CACNA1C: variants seen among roughly 807,000 people sequenced by gnomAD.
CACNA1C encodes calcium voltage-gated channel subunit alpha1 C.
Under a neutral mutation model 229.0 loss-of-function variants are expected in CACNA1C, and 30 were observed. The observed-to-expected ratio is 0.13, with a 90% confidence interval of 0.10 to 0.18. The LOEUF (loss-of-function observed/expected upper bound fraction) is 0.18, where lower values mean the gene tolerates loss of function less well. Ranked by LOEUF, CACNA1C falls within the 10% of genes least tolerant of loss-of-function variation. The pLI is 1.00. For missense variants in CACNA1C, 1,658 were observed against 2,845.0 expected, an observed-to-expected ratio of 0.58 and a Z score of 9.49; for synonymous variants, 1,114 against 1,132.5, an observed-to-expected ratio of 0.98 and a Z score of 0.33.
intron 13 of CACNA1C, among the ~76,000 whole-genome samples, chr12:2,569,380 G>A (rs2053115052): frequency 6.6e-6 from 1 of 152,036 alleles, no homozygotes; most frequent in African/African-American, 2.4e-5. Flanking sequence ...TATATTCATG[G>A]TTATGCAACC....
At chr12:2,204,906 C>T (rs1439052169) in intron 3 of CACNA1C, among the ~76,000 whole-genome samples, 1 of 148,480 alleles carries the variant, frequency 6.7e-6, no homozygotes, top group Non-Finnish European at 1.5e-5. Context: ...AACTAACCTG[C>T]ACAATGTGCA....
At chr12:1,985,849 C>T (rs954234390) in intron 1 of CACNA1C, among the ~76,000 whole-genome samples, 43 of 152,170 alleles carry the variant, frequency 2.8e-4, no homozygotes, top group African/African-American at 7.7e-4. Flanking sequence ...CTCCCTCTGT[C>T]GCCCAGGCTG....
chr12:2,646,400 A>C lies in CACNA1C; in HGVS notation c.3913-2075A>C, dbSNP rs919355769. On this transcript the variant is annotated intron_variant, in intron 30 of 46. Transcript: ENST00000399655. This position sits in a 1 kb window ranked among gnomAD's most constrained non-coding sequence, Gnocchi z 4.6. ...CCTGTTCAGGCTGGGATTGACCCAG[A>C]AGACCTTCAAGCATTTGCCCAGGGT... The C allele has an allele frequency of 1.3e-5, 2 of 151,996 alleles. No individual in the cohort carries two copies. Among genetic ancestry groups the C allele is most frequent in the South Asian group, 2.1e-4 (1 of 4,826 alleles). The allele number at this position is 151,996 out of a possible 1,614,324, so 9.4% of individuals were successfully genotyped here.
chr12:2,191,414 G>T (rs941232335), intron 3 of CACNA1C, among the ~76,000 whole-genome samples: 1 of 152,072 alleles, frequency 6.6e-6, no homozygotes, highest in Non-Finnish European at 1.5e-5. Flanking sequence ...CTGCAGTCAC[G>T]CTGGCTCCAG....
At chr12:2,050,843 C>T (rs12422291), upstream of CACNA1C, among the ~76,000 whole-genome samples, 25,481 of 152,044 alleles carry the variant, frequency 0.17, 2,642 homozygotes, top group East Asian at 0.47. Flanking sequence ...TACCAAGGGA[C>T]GGACAGATGC....
intron 34 of CACNA1C, among the ~76,000 whole-genome samples, chr12:2,662,405 GA>G (rs1326200205): frequency 6.6e-6 from 1 of 152,162 alleles, no homozygotes; most frequent in Non-Finnish European, 1.5e-5. Context: ...TCTGTAATAT[GA>G]AATCAATTGT....
intron 3 of CACNA1C, among the ~76,000 whole-genome samples, chr12:2,277,715 C>A (rs1288311161): frequency 6.6e-6 from 1 of 152,224 alleles, no homozygotes; most frequent in Non-Finnish European, 1.5e-5. Flanking sequence ...AGGAAGCCTT[C>A]TCTCTCCTGC....
At chr12:2,555,597 A>G (rs2043704088) in intron 10 of CACNA1C, among the ~76,000 whole-genome samples, 1 of 152,186 alleles carries the variant, frequency 6.6e-6, no homozygotes, top group Non-Finnish European at 1.5e-5. Flanking sequence ...GTAAATAACA[A>G]TGCTGCCCTG....
intron 3 of CACNA1C, among the ~76,000 whole-genome samples, chr12:2,201,478 T>A (rs965139691): frequency 2.0e-5 from 3 of 152,254 alleles, no homozygotes; most frequent in Admixed American, 2.0e-4. Context: ...AGAGAAATTC[T>A]ACATCTTTCT....
chr12:2,593,683 C>T (rs2066607707), intron 19 of CACNA1C, among the ~76,000 whole-genome samples: 1 of 152,194 alleles, frequency 6.6e-6, no homozygotes, highest in Non-Finnish European at 1.5e-5. Context: ...ACTATTTTAA[C>T]TCACTCATCT....
chr12:2,609,294 A>G (rs1450117585), intron 27 of CACNA1C, among the ~76,000 whole-genome samples: 1 of 152,034 alleles, frequency 6.6e-6, no homozygotes, highest in Non-Finnish European at 1.5e-5. Context: ...AGGTAGATGT[A>G]GTGCCTCAGG....
At position 1,996,330 on chromosome 12, in the gene CACNA1C, A is replaced by G. The variant is rs997760662; in HGVS notation, c.139+25129A>G. 3.5e-4 allele frequency among the ~76,000 whole-genome samples: 53 copies of G among 152,114 alleles called. 1 individual carries two copies. Among genetic ancestry groups the G allele is most frequent in the African/African-American group, 1.3e-3 (53 of 41,418 alleles). On this transcript the variant is annotated intron_variant, in intron 1 of 46. Coordinates refer to the CACNA1C transcript ENST00000682462. ...CCATTCCAAGCTAGCAAATCTCTTT[A>G]CACTTGCTAACTACTATAAACCAGT...
chr12:2,000,221 C>G (rs988852844), intron 1 of CACNA1C, among the ~76,000 whole-genome samples: 2 of 152,156 alleles, frequency 1.3e-5, no homozygotes, highest in African/African-American at 4.8e-5. Context: ...TTGGTATTAT[C>G]CATTACATTG....
intron 1 of CACNA1C, among the ~76,000 whole-genome samples, chr12:2,107,933 TG>T (rs1565736197): frequency 6.6e-6 from 1 of 152,240 alleles, no homozygotes; most frequent in African/African-American, 2.4e-5. Context: ...TTGCCCAGTG[TG>T]GGCGCCTCTA....
chr12:2,495,678 T>C (rs1483660788), intron 7 of CACNA1C, among the ~76,000 whole-genome samples: 2 of 152,206 alleles, frequency 1.3e-5, no homozygotes, highest in Non-Finnish European at 2.9e-5. Context: ...GTGATAGTGC[T>C]CAGGCTGGGA....
At chr12:2,315,165 T>G (rs2095625294) in intron 3 of CACNA1C, among the ~76,000 whole-genome samples, 1 of 152,210 alleles carries the variant, frequency 6.6e-6, no homozygotes, top group South Asian at 2.1e-4. Context: ...GCTCATATAA[T>G]TTTCCACAAA....
intron 1 of CACNA1C, among the ~76,000 whole-genome samples, chr12:2,102,812 C>T (rs1018345647): frequency 2.0e-5 from 3 of 152,140 alleles, no homozygotes; most frequent in African/African-American, 7.2e-5. Flanking sequence ...CAACTGGCCA[C>T]GTATGAGTGA....
rs191076501 is a variant in CACNA1C at position 1,976,068 on chromosome 12, T to C, written c.139+4867T>C. 1.1e-3 allele frequency among the ~76,000 whole-genome samples: 175 copies of C among 152,260 alleles called. 1 individual carries two copies. The highest frequency in any genetic ancestry group is 4.2e-3 in the African/African-American group (173 of 41,574). ...CTCAAGAGTGAAATTCTGCTTTACT[T>C]GAGATTTTTCAGAGCCTTTCTTTAG... On this transcript the variant is annotated intron_variant, in intron 1 of 46. Coordinates refer to the CACNA1C transcript ENST00000682462.
chr12:2,343,278 A>G (rs1352672696), intron 3 of CACNA1C, among the ~76,000 whole-genome samples: 2 of 152,248 alleles, frequency 1.3e-5, no homozygotes, highest in African/African-American at 4.8e-5. Flanking sequence ...CTTTGGAGAC[A>G]GTGTTTGAGA....
Sources: allele counts gnomAD v4.1 joint callset (sites outside exome capture counted in the v4.1 genomes callset), GRCh38; gene constraint gnomAD v4.1.1; non-coding constraint Gnocchi (gnomAD v3.1); transcripts MANE v1.5; gene names NCBI Gene and HGNC (gene_info 2026-07-23, HGNC 2026-07-21).